SDK2: variants seen among roughly 807,000 people sequenced by gnomAD.
The protein encoded by SDK2 is protein sidekick-2.
Under a neutral mutation model 253.9 loss-of-function variants are expected in SDK2, and 105 were observed. The ratio of observed to expected loss-of-function variants is 0.41; its 90% confidence interval spans 0.35 to 0.49. SDK2 has a LOEUF of 0.49. Among genes scored for constraint, SDK2 ranks in the 20% least tolerant of loss-of-function variants. The probability of loss-of-function intolerance (pLI) is 0.06; values close to 1 mark genes in which losing one functional copy is unlikely to be tolerated. For synonymous variants in SDK2, 1,249 were observed against 1,234.9 expected (o/e 1.01, Z -0.24); for missense variants, 2,608 against 3,003.0 (o/e 0.87, Z 3.07).
At chr17:73,505,521 C>CATCAATA (rs2063928002) in intron 2 of SDK2, among the ~76,000 whole-genome samples, 1 of 151,812 alleles carries the variant, frequency 6.6e-6, no homozygotes, top group African/African-American at 2.4e-5. Context: ...ACCTCATCAT[C>CATCAATA]GTCAATAGCT....
At chr17:73,347,842 CTG>C (rs1383085337) in intron 44 of SDK2, among the ~76,000 whole-genome samples, 1 of 152,206 alleles carries the variant, frequency 6.6e-6, no homozygotes, top group African/African-American at 2.4e-5. Context: ...CTCTGAAGCT[CTG>C]TGTCTTCCAG....
At chr17:73,533,042 T>C (rs1047656515) in intron 1 of SDK2, among the ~76,000 whole-genome samples, 1 of 152,228 alleles carries the variant, frequency 6.6e-6, no homozygotes, top group Admixed American at 6.5e-5. Flanking sequence ...CAGCCGTTCC[T>C]TGGATGCCCA....
At chr17:73,404,585 C>T (rs922964931) in intron 18 of SDK2, among the ~76,000 whole-genome samples, 1 of 152,204 alleles carries the variant, frequency 6.6e-6, no homozygotes, top group Admixed American at 6.5e-5. Flanking sequence ...CATGGACCTA[C>T]TAAGAGCTGG....
intron 1 of SDK2, among the ~76,000 whole-genome samples, chr17:73,583,761 C>T (rs149446927): frequency 0.011 from 1,625 of 152,226 alleles, 32 homozygotes; most frequent in African/African-American, 0.037. Context: ...GAGTGCCAGG[C>T]TGCCTGCCCC....
intron 28 of SDK2, among the ~76,000 whole-genome samples, chr17:73,390,720 C>T (rs1280862582): frequency 6.6e-6 from 1 of 152,196 alleles, no homozygotes; most frequent in Non-Finnish European, 1.5e-5. Context: ...GTGTCTGTGA[C>T]CCCCGTAACA....
At position 73,472,210 on chromosome 17, in the gene SDK2, A is replaced by G. The variant is rs1316036008; in HGVS notation, c.233T>C (p.Ile78Thr). 6.4e-7 allele frequency: 1 copy of G among 1,551,278 alleles called. No individual in the cohort carries two copies. The highest frequency in any genetic ancestry group is 8.7e-7 in the Non-Finnish European group (1 of 1,146,764). Residue 78 changes from isoleucine to threonine, a missense_variant, in exon 3 of 45, where the codon ATC becomes ACC. By Grantham distance (89) the Ile-to-Thr change is moderately conservative. Transcript: ENST00000392650. ...AGCGTGGGTGCGGTCCAGGCTGGTG[A>G]TCATGTATCTATGGGACAGACGAGA... ...TKFSLEYRYM[I>T]TSLDRTHAGF...
At position 73,455,867 on chromosome 17, in the gene SDK2, A is replaced by ACCCCACCCCCC; in HGVS notation, c.479+38_479+39insGGGGGGTGGGG. Reference sequence around the variant, plus strand: ...TGGCCCCAAACCTCCTCCCCCAGACACCCCTCCCCTCCCCGTCCCCTCAGA... The same window carrying ACCCCACCCCCC: ...TGGCCCCAAACCTCCTCCCCCAGACACCCCACCCCCCCCCCTCCCCTCCCCGTCCCCTCAGA... On this transcript the variant is annotated intron_variant, in intron 4 of 44. Coordinates refer to ENST00000392650, the MANE Select transcript of SDK2 (RefSeq NM_001144952.2). This position sits in a 1 kb window ranked among gnomAD's most constrained non-coding sequence, Gnocchi z 5.0. 1.3e-6 allele frequency: 2 copies of ACCCCACCCCCC among 1,498,126 alleles called. No homozygotes were observed. Among genetic ancestry groups the ACCCCACCCCCC allele is most frequent in the Non-Finnish European group, 1.8e-6 (2 of 1,123,564 alleles). The allele number at this position is 1,498,126 out of a possible 1,614,324, so 92.8% of individuals were successfully genotyped here.
At chr17:73,454,676 G>A (rs1406684757) in intron 4 of SDK2, among the ~76,000 whole-genome samples, 1 of 152,142 alleles carries the variant, frequency 6.6e-6, no homozygotes, top group African/African-American at 2.4e-5. Flanking sequence ...TTCAATAAAC[G>A]GCAGCTGCTA....
intron 5 of SDK2, among the ~76,000 whole-genome samples, chr17:73,444,042 G>C (rs940290747): frequency 3.3e-5 from 5 of 152,182 alleles, no homozygotes; most frequent in Non-Finnish European, 7.3e-5. Flanking sequence ...GAAGGGGGCA[G>C]CTAAGCTGGT....
intron 2 of SDK2, among the ~76,000 whole-genome samples, chr17:73,472,484 G>A (rs1002447185): frequency 3.9e-5 from 6 of 152,190 alleles, no homozygotes; most frequent in Non-Finnish European, 5.9e-5. Flanking sequence ...TGCTGCACCC[G>A]AATCCTTGAC....
At chr17:73,351,497 GC>G (rs1213328221) in intron 41 of SDK2, among the ~76,000 whole-genome samples, 1 of 152,164 alleles carries the variant, frequency 6.6e-6, no homozygotes, top group Non-Finnish European at 1.5e-5. Flanking sequence ...TCTCTGGCCT[GC>G]AGGAGGATGA....
chr17:73,607,451 C>CG (rs2045921640), intron 1 of SDK2, among the ~76,000 whole-genome samples: 1 of 152,056 alleles, frequency 6.6e-6, no homozygotes, highest in East Asian at 1.9e-4. Context: ...TGGGATCTAC[C>CG]GGGGGACCCT....
chr17:73,573,114 C>T (rs1302528000), intron 1 of SDK2, among the ~76,000 whole-genome samples: 2 of 152,208 alleles, frequency 1.3e-5, no homozygotes, highest in African/African-American at 4.8e-5. Context: ...TAGGATGGGG[C>T]CTCTCCATCC....
chr17:73,584,710 GC>G (rs1485691482), intron 1 of SDK2, among the ~76,000 whole-genome samples: 1 of 152,182 alleles, frequency 6.6e-6, no homozygotes, highest in Non-Finnish European at 1.5e-5. Flanking sequence ...TGACTTCTGA[GC>G]CTGAGTTTCC....
intron 17 of SDK2, among the ~76,000 whole-genome samples, 165 bp from the exon 18 acceptor site, chr17:73,414,924 T>A (rs552706599): frequency 6.6e-6 from 1 of 152,164 alleles, no homozygotes. Context: ...GCCTTCATAT[T>A]CTCTCTGGAT....
rs930008318 is a variant in SDK2 at position 73,629,622 on chromosome 17, C to G, written c.64+14403G>C. On this transcript the variant is annotated intron_variant, in intron 1 of 44. Transcript: ENST00000392650. The surrounding 1 kb of genome is among the most constrained non-coding windows in gnomAD (Gnocchi z 5.0). ...AGACTCAGCTTCTATGTTACCTCCTCCTCTGGGGCAGCATCTCAGGTCATC... is the reference window on the plus strand; with the variant it reads ...AGACTCAGCTTCTATGTTACCTCCTGCTCTGGGGCAGCATCTCAGGTCATC... Among the ~76,000 whole-genome samples the G allele has an allele frequency of 6.6e-6, 1 of 152,142 alleles. No homozygotes were observed. The highest frequency in any genetic ancestry group is 2.4e-5 in the African/African-American group (1 of 41,432).
At chr17:73,386,313 C>A in intron 31 of SDK2, 132 bp downstream of exon 31, 1 of 690,114 alleles carries the variant, frequency 1.4e-6, no homozygotes, top group Non-Finnish European at 2.5e-6. Context: ...GACCCTACCC[C>A]GGGAGCTGAA....
chr17:73,453,740 T>C (rs2145656920), intron 4 of SDK2, among the ~76,000 whole-genome samples: 1 of 152,304 alleles, frequency 6.6e-6, no homozygotes, highest in African/African-American at 2.4e-5. Flanking sequence ...ACTAGCATGG[T>C]GGTTCTTAAC....
rs370905236 is a variant in SDK2, at chr17:73,386,479, G to A, written c.4464C>T (p.Ser1488=). ...ATNDIGDSEF[S]EESESLTTLQ... ...GGGTGGTCAGTGACTCCGACTCCTC[G>A]CTGAACTCGCTGTCGCCAATGTCAT... Residue 1488 remains serine, a synonymous_variant, in exon 31 of 45, where the codon AGC becomes AGT. Coordinates refer to ENST00000392650, the MANE Select transcript of SDK2 (RefSeq NM_001144952.2). 19 of 1,561,246 alleles carry A rather than the reference G, an allele frequency of 1.2e-5. No individual in the cohort carries two copies. The highest frequency in any genetic ancestry group is 2.4e-5 in the East Asian group (1 of 41,580).
Sources: allele counts gnomAD v4.1 joint callset (sites outside exome capture counted in the v4.1 genomes callset), GRCh38; gene constraint gnomAD v4.1.1; non-coding constraint Gnocchi (gnomAD v3.1); transcripts MANE v1.5; gene names NCBI Gene and HGNC (gene_info 2026-07-23, HGNC 2026-07-21).